Variants in MIPEP observed in about 807,000 individuals in gnomAD.
MIPEP encodes the protein mitochondrial intermediate peptidase.
MIPEP carries 79 observed loss-of-function variants against 90.3 expected under a neutral mutation model. That is an observed-to-expected ratio of 0.87 (90% CI 0.73 to 1.05). The LOEUF is 1.05. Among genes scored for constraint, MIPEP ranks in the 50% least tolerant of loss-of-function variants. The pLI, the probability that MIPEP is intolerant of heterozygous loss-of-function variation, is 0.00. For synonymous variants in MIPEP, 334 were observed against 315.8 expected, an observed-to-expected ratio of 1.06 and a Z score of -0.61; for missense variants, 940 against 905.6, an observed-to-expected ratio of 1.04 and a Z score of -0.49.
rs75361930 is a variant in MIPEP at position 23,794,370 on chromosome 13, C to T, written c.1848+11580G>A. ...AAAATTAAAAATTAACAACACTCAA[C>T]TGGAGCCTTCCTCATATTGCTAACG... On this transcript the variant is annotated intron_variant, in intron 16 of 18. Coordinates refer to ENST00000382172, the MANE Select transcript of MIPEP (RefSeq NM_005932.4). 7.8e-3 allele frequency among the ~76,000 whole-genome samples: 1,194 copies of T among 152,250 alleles called. 21 individuals are homozygous for T. Among genetic ancestry groups the T allele is most frequent in the East Asian group, 0.049 (256 of 5,174 alleles).
chr13:23,847,006 A>G (rs1869575867), intron 10 of MIPEP, among the ~76,000 whole-genome samples: 1 of 152,188 alleles, frequency 6.6e-6, no homozygotes, highest in Admixed American at 6.5e-5. Flanking sequence ...AACCTTCCCA[A>G]GGCTACGACA....
chr13:23,849,352 G>C (rs1483745128), intron 10 of MIPEP, among the ~76,000 whole-genome samples: 1 of 152,244 alleles, frequency 6.6e-6, no homozygotes, highest in African/African-American at 2.4e-5. Context: ...TTTGGCTTCA[G>C]TGCCATCCCT....
chr13:23,736,967 T>C (rs1952271817), intron 18 of MIPEP, among the ~76,000 whole-genome samples: 1 of 152,232 alleles, frequency 6.6e-6, no homozygotes, highest in Admixed American at 6.5e-5. Flanking sequence ...CTATGATATA[T>C]TGCCTCATGC....
chr13:23,859,240 C>T (rs1870183150), intron 9 of MIPEP, among the ~76,000 whole-genome samples: 1 of 152,028 alleles, frequency 6.6e-6, no homozygotes, highest in Non-Finnish European at 1.5e-5. Flanking sequence ...CAAAATGTAA[C>T]CCATGTATTA....
intron 16 of MIPEP, among the ~76,000 whole-genome samples, chr13:23,799,123 C>A (rs1953003331): frequency 6.7e-6 from 1 of 149,138 alleles, no homozygotes; most frequent in Non-Finnish European, 1.5e-5. Flanking sequence ...CCTGCCTCAG[C>A]CTCCCCAGTA....
At chr13:23,864,528 G>T (rs4770510) in intron 7 of MIPEP, among the ~76,000 whole-genome samples, 80,791 of 151,896 alleles carry the variant, frequency 0.53, 21,718 homozygotes, top group South Asian at 0.72. Flanking sequence ...CTGAGGTCAG[G>T]AGTTCAAGAC....
intron 16 of MIPEP, among the ~76,000 whole-genome samples, chr13:23,796,684 T>C (rs981639850): frequency 5.3e-5 from 8 of 152,232 alleles, no homozygotes. Flanking sequence ...TATTCTCATC[T>C]TTCCACATGG....
intron 7 of MIPEP, among the ~76,000 whole-genome samples, chr13:23,865,677 T>TC (rs1870499514): frequency 6.6e-6 from 1 of 152,016 alleles, no homozygotes; most frequent in Non-Finnish European, 1.5e-5. Context: ...AATTAATTTT[T>TC]TTTTTTTTTT....
At chr13:23,841,583 G>A (rs1869300951) in intron 10 of MIPEP, 95 bp from the exon 11 acceptor site, 2 of 1,307,564 alleles carry the variant, frequency 1.5e-6, no homozygotes, top group Non-Finnish European at 2.1e-6. Flanking sequence ...TAAGATCACT[G>A]GAGCTAAAGA....
At position 23,836,405 on chromosome 13, in the gene MIPEP, T is replaced by C. The variant is rs1032057461; in HGVS notation, c.1544-56A>G. ...GAATCAAATCAATATATTTATCTACTTTTTGTGTGCCCTTTAAAACTTTTA... is the reference window on the plus strand; with the variant it reads ...GAATCAAATCAATATATTTATCTACCTTTTGTGTGCCCTTTAAAACTTTTA... On this transcript the variant is annotated intron_variant, in intron 13 of 18. Transcript: ENST00000382172. The C allele has an allele frequency of 5.5e-5, 55 of 1,003,764 alleles. No individual in the cohort carries two copies. In the East Asian group the frequency reaches 9.5e-4, roughly 17 times the overall value. 62.2% of individuals were successfully genotyped at this position (1,003,764 alleles called of 1,614,324 possible).
chr13:23,749,736 G>A (rs1448299400), intron 18 of MIPEP, among the ~76,000 whole-genome samples: 2 of 152,050 alleles, frequency 1.3e-5, no homozygotes, highest in Non-Finnish European at 2.9e-5. Context: ...ACGGAGCTTG[G>A]GAGTCATCCT....
rs61946398 is a variant in MIPEP, at chr13:23,745,744, A to G, written c.2044+10801T>C. ...GGAGTTCGAGACCAGCCTGGCCAAC[A>G]TGGTGAAAGCCCATCTCTGCGAAAA... On this transcript the variant is annotated intron_variant, in intron 18 of 18. Coordinates refer to ENST00000382172, the MANE Select transcript of MIPEP (RefSeq NM_005932.4). Among the ~76,000 whole-genome samples, 818 of 152,108 alleles carry G rather than the reference A, an allele frequency of 5.4e-3. 3 individuals carry two copies. Among genetic ancestry groups the G allele is most frequent in the Non-Finnish European group, 7.7e-3 (524 of 67,986 alleles).
At chr13:23,770,123 T>C (rs1952633039) in intron 16 of MIPEP, among the ~76,000 whole-genome samples, 1 of 152,096 alleles carries the variant, frequency 6.6e-6, no homozygotes, top group South Asian at 2.1e-4. Flanking sequence ...CAACAGAAAA[T>C]GGGCTAGGAA....
intron 16 of MIPEP, 64 bp downstream of exon 16, chr13:23,805,886 C>T: frequency 3.2e-6 from 5 of 1,548,172 alleles, no homozygotes; most frequent in Non-Finnish European, 4.4e-6. Context: ...AAGATAATCA[C>T]AAGCTACAGA....
chr13:23,808,573 A>C (rs921641074), intron 15 of MIPEP, among the ~76,000 whole-genome samples: 2 of 152,100 alleles, frequency 1.3e-5, no homozygotes, highest in Non-Finnish European at 2.9e-5. Flanking sequence ...CGGAGGAGGG[A>C]AAGGTTGGTT....
chr13:23,888,201 C>T (rs1566031024), intron 1 of MIPEP: 1 of 383,974 alleles, frequency 2.6e-6, no homozygotes, highest in African/African-American at 2.1e-5. Flanking sequence ...ACAAGTAGGT[C>T]TCTTCACACC....
intron 10 of MIPEP, among the ~76,000 whole-genome samples, chr13:23,855,754 G>C (rs961054502): frequency 6.6e-6 from 1 of 152,118 alleles, no homozygotes; most frequent in Non-Finnish European, 1.5e-5. Context: ...ATGCATTTCT[G>C]CATCCCTTTT....
intron 18 of MIPEP, among the ~76,000 whole-genome samples, chr13:23,737,497 C>G (rs74813909): frequency 2.6e-5 from 4 of 152,126 alleles, no homozygotes; most frequent in African/African-American, 4.8e-5. Flanking sequence ...GGGCTCCTAA[C>G]TATGCATATT....
At chr13:23,885,079 A>G (rs1792648902) in intron 2 of MIPEP, among the ~76,000 whole-genome samples, 1 of 152,238 alleles carries the variant, frequency 6.6e-6, no homozygotes, top group Admixed American at 6.5e-5. Flanking sequence ...GAATGGATAA[A>G]GAAAGTATGG....
Sources: gnomAD v4.1 joint callset for allele counts (sites outside exome capture counted in the v4.1 genomes callset) on GRCh38, gnomAD v4.1.1 for gene constraint, MANE v1.5 for transcripts, NCBI Gene and HGNC (gene_info 2026-07-23, HGNC 2026-07-21) for gene names.